The following CNTN4 variants were observed in gnomAD, a reference collection of about 807,000 sequenced individuals.
CNTN4 encodes the protein contactin 4, also known as contactin-4.
A neutral mutation model predicts 122.5 loss-of-function variants in CNTN4; 77 were observed. The observed-to-expected ratio is 0.63, with a 90% CI of 0.52 to 0.76. The LOEUF (loss-of-function observed/expected upper bound fraction) is 0.76, where lower values mean the gene tolerates loss of function less well. Ranked by LOEUF, CNTN4 falls within the 30% of genes least tolerant of loss-of-function variation. CNTN4 has a pLI of 0.00. For missense variants in CNTN4, 1,256 were observed against 1,259.1 expected (o/e 1.00, Z 0.04); for synonymous variants, 512 against 447.0 (o/e 1.15, Z -1.83).
rs923254492 is a variant in CNTN4, at chr3:2,632,971, T to C, written c.55+61413T>C. Among the ~76,000 whole-genome samples, 4 of 148,834 alleles carry C rather than the reference T, an allele frequency of 2.7e-5. 1 individual carries two copies. Among genetic ancestry groups the C allele is most frequent in the African/African-American group, 9.8e-5 (4 of 40,984 alleles). On this transcript the variant is annotated intron_variant, in intron 4 of 24. Coordinates refer to ENST00000418658, the MANE Select transcript of CNTN4 (RefSeq NM_175607.3). ...TACAAGTAATAGTATATATAATTTA[T>C]ATTTTGTATATATAATTTATATATA...
At chr3:3,053,759 G>T in intron 23 of CNTN4, 48 bp from the exon 24 acceptor site, 1 of 1,592,620 alleles carries the variant, frequency 6.3e-7, no homozygotes, top group Non-Finnish European at 8.6e-7. Context: ...CCATATTTGG[G>T]ACCTTTGTGA....
At chr3:2,544,584 C>G (rs1014052261) in intron 3 of CNTN4, among the ~76,000 whole-genome samples, 6 of 152,050 alleles carry the variant, frequency 3.9e-5, no homozygotes, top group African/African-American at 1.4e-4. Flanking sequence ...TCAATTTCTT[C>G]CTGGTTCAGT....
chr3:2,456,239 C>T (rs974060912), intron 3 of CNTN4, among the ~76,000 whole-genome samples: 3 of 152,032 alleles, frequency 2.0e-5, no homozygotes, highest in Non-Finnish European at 4.4e-5. Context: ...TTCCCCATCA[C>T]TGTGATAAGA....
chr3:2,239,859 G>A (rs1385208123), intron 2 of CNTN4, among the ~76,000 whole-genome samples: 6 of 152,246 alleles, frequency 3.9e-5, no homozygotes, highest in Non-Finnish European at 7.4e-5. Flanking sequence ...AGGAAGGCTC[G>A]TCTGTACCCT....
intron 2 of CNTN4, among the ~76,000 whole-genome samples, chr3:2,120,407 T>TATATAAA (rs1559261207): frequency 3.1e-5 from 1 of 32,744 alleles, no homozygotes; most frequent in Non-Finnish European, 6.8e-5. Context: ...ATATATATAT[T>TATATAAA]TTTTTTTTTT....
chr3:2,260,693 GTTTTCTTTTC>G (rs1056413777), intron 2 of CNTN4, among the ~76,000 whole-genome samples: 28 of 150,670 alleles, frequency 1.9e-4, no homozygotes, highest in African/African-American at 5.6e-4. Flanking sequence ...ACAGATTTAA[GTTTTCTTTTC>G]TTTTCTTTTC....
At chr3:2,877,967 C>T (rs1479619988) in intron 8 of CNTN4, among the ~76,000 whole-genome samples, 1 of 152,182 alleles carries the variant, frequency 6.6e-6, no homozygotes, top group African/African-American at 2.4e-5. Flanking sequence ...TGGAACAGTT[C>T]ACAGGTGTTC....
chr3:2,151,595 C>G (rs1050799757), intron 2 of CNTN4, among the ~76,000 whole-genome samples: 5 of 151,986 alleles, frequency 3.3e-5, no homozygotes, highest in African/African-American at 1.2e-4. Flanking sequence ...AATTTAATCC[C>G]CAGTGTAGCA....
At chr3:2,107,732 A>C (rs1228504520) in intron 2 of CNTN4, among the ~76,000 whole-genome samples, 1 of 152,126 alleles carries the variant, frequency 6.6e-6, no homozygotes, top group Non-Finnish European at 1.5e-5. Context: ...CTGATTTATT[A>C]GACCAAGCAA....
chr3:2,127,107 C>T (rs900924544), intron 2 of CNTN4, among the ~76,000 whole-genome samples: 1 of 152,138 alleles, frequency 6.6e-6, no homozygotes, highest in African/African-American at 2.4e-5. Flanking sequence ...ATTGCTAGCT[C>T]TCTTCTCAAG....
At chr3:2,882,805 C>T (rs1685571951) in intron 8 of CNTN4, 1 of 274,988 alleles carries the variant, frequency 3.6e-6, no homozygotes, top group South Asian at 4.0e-5. Flanking sequence ...AGTATACTTC[C>T]AAAGAGATAA....
chr3:2,441,743 A>G (rs1166194984), intron 3 of CNTN4, among the ~76,000 whole-genome samples: 1 of 152,112 alleles, frequency 6.6e-6, no homozygotes, highest in Non-Finnish European at 1.5e-5. Context: ...TTTTCATCAT[A>G]TTTTACCCAA....
chr3:2,419,207 A>G (rs1269415592), intron 3 of CNTN4, among the ~76,000 whole-genome samples: 2 of 152,228 alleles, frequency 1.3e-5, no homozygotes, highest in Non-Finnish European at 2.9e-5. Context: ...ATTTCCTGAC[A>G]TGAGTTACAT....
chr3:2,735,169 C>T (rs567299461), intron 4 of CNTN4, among the ~76,000 whole-genome samples: 10 of 152,132 alleles, frequency 6.6e-5, no homozygotes, highest in African/African-American at 1.9e-4. Context: ...AAAAGATAAG[C>T]GTCTTGGGAA....
chr3:2,111,161 C>T (rs114409531), intron 2 of CNTN4, among the ~76,000 whole-genome samples: 5 of 152,138 alleles, frequency 3.3e-5, no homozygotes, highest in South Asian at 2.1e-4. Flanking sequence ...TCAGAATTCC[C>T]GATACCAAAA....
At chr3:2,553,830 C>G (rs1258592868) in intron 3 of CNTN4, among the ~76,000 whole-genome samples, 2 of 152,106 alleles carry the variant, frequency 1.3e-5, no homozygotes, top group Non-Finnish European at 2.9e-5. Context: ...AACTAATGAT[C>G]AAACAGGTTG....
chr3:2,486,710 A>C (rs1273000386), intron 3 of CNTN4, among the ~76,000 whole-genome samples: 4 of 152,234 alleles, frequency 2.6e-5, no homozygotes, highest in Middle Eastern at 3.4e-3. Context: ...TGTCTCCATA[A>C]ATTTTATATA....
At chr3:2,548,165 G>A (rs1318565088) in intron 3 of CNTN4, among the ~76,000 whole-genome samples, 2 of 152,130 alleles carry the variant, frequency 1.3e-5, no homozygotes, top group Non-Finnish European at 1.5e-5. Flanking sequence ...CTGTGCGGAA[G>A]CTCTTTACTG....
chr3:3,028,156 T>A (rs1698884767), intron 15 of CNTN4, among the ~76,000 whole-genome samples: 1 of 152,174 alleles, frequency 6.6e-6, no homozygotes, highest in Non-Finnish European at 1.5e-5. Context: ...TGATGCTTGG[T>A]ATAGAGTTAA....
Sources: allele counts gnomAD v4.1 joint callset (sites outside exome capture counted in the v4.1 genomes callset), GRCh38; gene constraint gnomAD v4.1.1; transcripts MANE v1.5; gene names NCBI Gene and HGNC (gene_info 2026-07-23, HGNC 2026-07-21).